MGAT4C: variants seen among roughly 807,000 people sequenced by gnomAD.
The protein encoded by MGAT4C is MGAT4 family member C.
A neutral mutation model predicts 40.1 loss-of-function variants in MGAT4C; 19 were observed. The ratio of observed to expected loss-of-function variants is 0.47; its 90% CI spans 0.33 to 0.70. The LOEUF (loss-of-function observed/expected upper bound fraction) is 0.70. Ranked by LOEUF, MGAT4C falls within the 30% of genes least tolerant of loss-of-function variation. The probability of loss-of-function intolerance (pLI) is 0.02; values close to 1 mark genes in which losing one functional copy is unlikely to be tolerated. For missense variants in MGAT4C, 491 were observed against 563.2 expected (o/e 0.87, Z 1.30); for synonymous variants, 181 against 187.1 (o/e 0.97, Z 0.27).
At chr12:86,491,413 T>C (rs1472804151) in intron 2 of MGAT4C, among the ~76,000 whole-genome samples, 4 of 152,032 alleles carry the variant, frequency 2.6e-5, no homozygotes, top group East Asian at 1.9e-4. Context: ...ACTGGCAAAC[T>C]GAATCCAGCA....
intron 2 of MGAT4C, among the ~76,000 whole-genome samples, chr12:86,463,033 T>C (rs1957625688): frequency 6.6e-6 from 1 of 152,148 alleles, no homozygotes; most frequent in Non-Finnish European, 1.5e-5. Flanking sequence ...AGTGACTGGG[T>C]CTGTGGTATT....
At chr12:86,443,238 A>C (rs1957267835) in intron 2 of MGAT4C, among the ~76,000 whole-genome samples, 1 of 151,914 alleles carries the variant, frequency 6.6e-6, no homozygotes, top group Non-Finnish European at 1.5e-5. Context: ...ACACATGTAA[A>C]TTTCTGTTGA....
chr12:86,411,241 T>A (rs1296601319), intron 3 of MGAT4C, among the ~76,000 whole-genome samples: 1 of 151,980 alleles, frequency 6.6e-6, no homozygotes, highest in Non-Finnish European at 1.5e-5. Flanking sequence ...TGGACAGAGG[T>A]TGGAACAGTT....
intron 1 of MGAT4C, among the ~76,000 whole-genome samples, chr12:86,728,441 A>G (rs555223154): frequency 6.6e-5 from 10 of 152,344 alleles, no homozygotes; most frequent in Admixed American, 2.0e-4. Context: ...CTGTAATCCC[A>G]GCACTTTAGG....
At chr12:86,028,389 T>C (rs537080081) in intron 2 of MGAT4C, among the ~76,000 whole-genome samples, 2 of 152,002 alleles carry the variant, frequency 1.3e-5, no homozygotes, top group East Asian at 3.9e-4. Flanking sequence ...TTCTCTCCTA[T>C]AGGTAAGAAG....
intron 2 of MGAT4C, among the ~76,000 whole-genome samples, chr12:86,048,603 A>C (rs1892625526): frequency 6.6e-6 from 1 of 152,248 alleles, no homozygotes; most frequent in Non-Finnish European, 1.5e-5. Flanking sequence ...GAAAAAAGGA[A>C]GAGATATGGA....
intron 1 of MGAT4C, among the ~76,000 whole-genome samples, chr12:86,244,177 C>T (rs886311959): frequency 3.9e-5 from 6 of 152,144 alleles, no homozygotes; most frequent in Admixed American, 1.3e-4. Context: ...TTCTAGAATG[C>T]TTTGCACTGT....
chr12:86,686,025 G>T (rs1021144043), intron 2 of MGAT4C, among the ~76,000 whole-genome samples: 2 of 120,936 alleles, frequency 1.7e-5, no homozygotes, highest in Non-Finnish European at 3.6e-5. Flanking sequence ...ACCATGCCTG[G>T]CTAATTTTAT....
intron 2 of MGAT4C, among the ~76,000 whole-genome samples, chr12:86,543,147 A>G (rs547610424): frequency 1.4e-4 from 22 of 151,972 alleles, no homozygotes; most frequent in Non-Finnish European, 1.9e-4. Context: ...AAGAGCGTTG[A>G]TGAGTAAATT....
intron 2 of MGAT4C, among the ~76,000 whole-genome samples, chr12:86,700,178 CAGATAGAT>C (rs370834701): frequency 0.025 from 3,498 of 140,678 alleles, 55 homozygotes; most frequent in Non-Finnish European, 0.03. Flanking sequence ...GACAGACAGA[CAGATAGAT>C]AGATAGATAG....
At chr12:86,644,046 CTA>C (rs1389676717) in intron 2 of MGAT4C, among the ~76,000 whole-genome samples, 1 of 151,456 alleles carries the variant, frequency 6.6e-6, no homozygotes, top group South Asian at 2.1e-4. Context: ...TGAATTTTGA[CTA>C]GAGAAAGTTA....
At chr12:86,700,094 TA>T (rs1340902859) in intron 2 of MGAT4C, among the ~76,000 whole-genome samples, 12 of 122,466 alleles carry the variant, frequency 9.8e-5, no homozygotes, top group African/African-American at 3.2e-4. Flanking sequence ...AGATAGATGA[TA>T]GATAGATAGA....
At chr12:86,830,878 C>T (rs1408193649) in intron 1 of MGAT4C, among the ~76,000 whole-genome samples, 1 of 151,762 alleles carries the variant, frequency 6.6e-6, no homozygotes, top group Non-Finnish European at 1.5e-5. Flanking sequence ...TTCCAAAGAA[C>T]CTCTACCTCA....
chr12:86,461,406 C>A (rs1461927377), intron 2 of MGAT4C, among the ~76,000 whole-genome samples: 2 of 151,806 alleles, frequency 1.3e-5, no homozygotes, highest in African/African-American at 2.4e-5. Flanking sequence ...CCACCGCGCC[C>A]GGTTAATTTT....
chr12:86,226,398 G>T (rs533823107), intron 1 of MGAT4C, among the ~76,000 whole-genome samples: 1 of 151,932 alleles, frequency 6.6e-6, no homozygotes, highest in Non-Finnish European at 1.5e-5. Context: ...TGTATTTACT[G>T]GTAAGAAAAT....
intron 1 of MGAT4C, among the ~76,000 whole-genome samples, chr12:86,115,790 C>T (rs1007987627): frequency 3.9e-5 from 6 of 152,064 alleles, no homozygotes; most frequent in African/African-American, 1.4e-4. Flanking sequence ...AGACAGAGCA[C>T]TTGTCTTCTA....
intron 3 of MGAT4C, among the ~76,000 whole-genome samples, chr12:86,418,108 T>A (rs1239452827): frequency 6.6e-6 from 1 of 152,186 alleles, no homozygotes; most frequent in African/African-American, 2.4e-5. Context: ...AAACTTTTTT[T>A]AGCTATTGAA....
At chr12:85,991,386 T>G (rs1329069450) in intron 2 of MGAT4C, among the ~76,000 whole-genome samples, 1 of 152,184 alleles carries the variant, frequency 6.6e-6, no homozygotes, top group Non-Finnish European at 1.5e-5. Flanking sequence ...GTTCCCAGTC[T>G]GGTCTGCAGG....
chr12:86,523,563 G>A (rs993682421), intron 2 of MGAT4C, among the ~76,000 whole-genome samples: 1 of 152,144 alleles, frequency 6.6e-6, no homozygotes, highest in Non-Finnish European at 1.5e-5. Context: ...TGCATATTCT[G>A]TTTTGGGAGT....
Sources: gnomAD v4.1 joint callset for allele counts (sites outside exome capture counted in the v4.1 genomes callset) on GRCh38, gnomAD v4.1.1 for gene constraint, MANE v1.5 for transcripts, NCBI Gene and HGNC (gene_info 2026-07-23, HGNC 2026-07-21) for gene names.